Variants in CELF2 observed in about 807,000 individuals in gnomAD.
CELF2 encodes the protein CUG triplet repeat RNA-binding protein 2.
A neutral mutation model predicts 62.6 loss-of-function variants in CELF2; 8 were observed. The ratio of observed to expected loss-of-function variants is 0.13; its 90% confidence interval spans 0.07 to 0.23. The LOEUF (loss-of-function observed/expected upper bound fraction) is 0.23, where lower values mean the gene tolerates loss of function less well. CELF2 is among the 10% of genes least tolerant of loss of function. The pLI is 1.00. For missense variants in CELF2, 333 were observed against 671.0 expected, an observed-to-expected ratio of 0.50 and a Z score of 5.56; for synonymous variants, 258 against 250.0, an observed-to-expected ratio of 1.03 and a Z score of -0.30.
the CELF2 span, among the ~76,000 whole-genome samples, chr10:10,750,802 A>G: frequency 6.6e-6 from 1 of 152,232 alleles, no homozygotes; most frequent in Non-Finnish European, 1.5e-5. Flanking sequence ...CTCATTAATT[A>G]AATCCCAGCT....
At chr10:10,889,084 C>T (rs1251748773) in intron 1 of CELF2, among the ~76,000 whole-genome samples, 1 of 152,184 alleles carries the variant, frequency 6.6e-6, no homozygotes, top group Non-Finnish European at 1.5e-5. Flanking sequence ...ATGCAAAACT[C>T]TTAATGTAAA....
At chr10:10,490,944 T>TA in the CELF2 span, among the ~76,000 whole-genome samples, 1 of 152,270 alleles carries the variant, frequency 6.6e-6, no homozygotes, top group Admixed American at 6.5e-5. Context: ...GAAGGTCACA[T>TA]AAAAACAGCA....
chr10:10,471,284 T>G, the CELF2 span, among the ~76,000 whole-genome samples: 3 of 151,590 alleles, frequency 2.0e-5, no homozygotes, highest in South Asian at 6.2e-4. Flanking sequence ...TCCTACTGTT[T>G]GTTTTGTTTT....
At chr10:10,855,638 C>T (rs1215876538) in intron 1 of CELF2, among the ~76,000 whole-genome samples, 2 of 152,192 alleles carry the variant, frequency 1.3e-5, no homozygotes, top group Non-Finnish European at 2.9e-5. Flanking sequence ...CAGGTCTCAA[C>T]AGAAAAGAGG....
the CELF2 span, among the ~76,000 whole-genome samples, chr10:10,697,090 T>C: frequency 6.6e-6 from 1 of 151,210 alleles, no homozygotes; most frequent in Non-Finnish European, 1.5e-5. Flanking sequence ...CACATGTTAT[T>C]ATGATGATGT....
chr10:11,241,092 C>T (rs1000553671), intron 3 of CELF2, among the ~76,000 whole-genome samples: 12 of 152,130 alleles, frequency 7.9e-5, no homozygotes, highest in Admixed American at 3.3e-4. Flanking sequence ...AGAGTGACGG[C>T]GAAGGGGAGG....
At chr10:11,049,122 TAAA>T (rs11406502) in intron 1 of CELF2, among the ~76,000 whole-genome samples, 1 of 143,086 alleles carries the variant, frequency 7.0e-6, no homozygotes, top group Admixed American at 7.0e-5. Context: ...ACTGTTCTGT[TAAA>T]AAAAAAAAAA....
At chr10:10,565,188 C>A in the CELF2 span, among the ~76,000 whole-genome samples, 1 of 152,240 alleles carries the variant, frequency 6.6e-6, no homozygotes, top group South Asian at 2.1e-4. Context: ...AGGCTATTAT[C>A]TGAGCACTTG....
chr10:10,784,143 C>T, the CELF2 span, among the ~76,000 whole-genome samples: 1 of 152,174 alleles, frequency 6.6e-6, no homozygotes, highest in Non-Finnish European at 1.5e-5. Context: ...CCTGAACCCC[C>T]TTGCAGGATG....
the CELF2 span, among the ~76,000 whole-genome samples, chr10:10,787,753 G>T: frequency 6.6e-6 from 1 of 152,020 alleles, no homozygotes; most frequent in Non-Finnish European, 1.5e-5. Context: ...TTTTTTCCTA[G>T]ATCGAGTACT....
chr10:10,481,018 G>A, the CELF2 span, among the ~76,000 whole-genome samples: 11 of 152,004 alleles, frequency 7.2e-5, no homozygotes, highest in South Asian at 2.1e-4. Context: ...AGCCGAGATC[G>A]CACCATTGAA....
chr10:10,874,689 C>T (rs968837419), intron 1 of CELF2, among the ~76,000 whole-genome samples: 6 of 152,180 alleles, frequency 3.9e-5, no homozygotes, highest in East Asian at 1.9e-4. Context: ...AATGGGAAGT[C>T]GTGAAATTCC....
Position 11,217,637 on chromosome 10 carries a change from C to G in CELF2, c.354+130C>G. 1.7e-6 allele frequency: 1 copy of G among 594,304 alleles called. No homozygotes were observed. The highest frequency in any genetic ancestry group is 2.9e-6 in the Non-Finnish European group (1 of 342,108). The allele number at this position is 594,304 out of a possible 1,614,324, so 36.8% of individuals were successfully genotyped here. A position where few individuals can be genotyped will look rare whatever the true frequency, so the allele number is the denominator to read the frequency against. On this transcript the variant is annotated intron_variant, in intron 3 of 12. Coordinates refer to ENST00000633077, the MANE Select transcript of CELF2 (RefSeq NM_001326342.2). This position sits in a 1 kb window ranked among gnomAD's most constrained non-coding sequence, Gnocchi z 5.6. ...CTTTTGAGGAGTGTGTGCTGACCCCCCAGTTCCCTGCAGCAGCCACACCAG... is the reference window on the plus strand; with the variant it reads ...CTTTTGAGGAGTGTGTGCTGACCCCGCAGTTCCCTGCAGCAGCCACACCAG...
chr10:11,234,606 C>CCG (rs756635067), intron 3 of CELF2, among the ~76,000 whole-genome samples: 2 of 131,124 alleles, frequency 1.5e-5, no homozygotes, highest in Non-Finnish European at 3.1e-5. Flanking sequence ...GGCGTGAACC[C>CCG]GGGGGGCGGA....
chr10:10,466,309 T>C, the CELF2 span, among the ~76,000 whole-genome samples: 1 of 152,196 alleles, frequency 6.6e-6, no homozygotes, highest in Non-Finnish European at 1.5e-5. Context: ...AATGGAATTA[T>C]GCAGTATGGA....
At chr10:11,071,422 A>G (rs1267337447) in intron 1 of CELF2, 2 of 152,270 alleles carry the variant, frequency 1.3e-5, no homozygotes, top group African/African-American at 4.8e-5. Context: ...CCAGAGTCGA[A>G]CATCTAGGAA....
chr10:11,154,665 T>G (rs756200520), intron 1 of CELF2, among the ~76,000 whole-genome samples: 1 of 152,246 alleles, frequency 6.6e-6, no homozygotes, highest in Non-Finnish European at 1.5e-5. Flanking sequence ...CTTGTCCCTT[T>G]AATGATATCA....
intron 4 of CELF2, among the ~76,000 whole-genome samples, chr10:11,252,140 T>C (rs2077337593): frequency 6.6e-6 from 1 of 152,202 alleles, no homozygotes. Context: ...CGAGGTTCTC[T>C]TTGGACCTGA....
chr10:10,606,562 A>G, the CELF2 span, among the ~76,000 whole-genome samples: 1 of 152,216 alleles, frequency 6.6e-6, no homozygotes, highest in East Asian at 1.9e-4. Context: ...AGTTACCAGT[A>G]GCTGTTATGG....
Sources: allele counts gnomAD v4.1 joint callset (sites outside exome capture counted in the v4.1 genomes callset), GRCh38; gene constraint gnomAD v4.1.1; non-coding constraint Gnocchi (gnomAD v3.1); transcripts MANE v1.5; gene names NCBI Gene and HGNC (gene_info 2026-07-23, HGNC 2026-07-21).